Variants in STXBP5L observed in about 807,000 individuals in gnomAD.
The protein encoded by STXBP5L is syntaxin-binding protein 5-like.
Under a neutral mutation model 144.5 loss-of-function variants are expected in STXBP5L, and 65 were observed. That is an observed-to-expected ratio of 0.45 (90% CI 0.37 to 0.55). The LOEUF (loss-of-function observed/expected upper bound fraction) is 0.55. Among genes scored for constraint, STXBP5L ranks in the 20% least tolerant of loss-of-function variants. The pLI is 0.00. For missense variants in STXBP5L, 1,298 were observed against 1,405.5 expected, an observed-to-expected ratio of 0.92 and a Z score of 1.22; for synonymous variants, 505 against 469.6, an observed-to-expected ratio of 1.08 and a Z score of -0.97.
intron 2 of STXBP5L, among the ~76,000 whole-genome samples, chr3:120,938,188 A>T (rs1710367350): frequency 1.3e-5 from 2 of 152,098 alleles, no homozygotes; most frequent in African/African-American, 4.8e-5. Flanking sequence ...TTATATAAAA[A>T]TGGGATTGAT....
intron 22 of STXBP5L, among the ~76,000 whole-genome samples, chr3:121,390,531 G>A (rs1240161697): frequency 1.3e-5 from 2 of 152,138 alleles, no homozygotes; most frequent in Non-Finnish European, 2.9e-5. Flanking sequence ...GGTACCGGTT[G>A]TTTCTTTCCA....
At chr3:121,198,033 A>T (rs1409459722) in intron 9 of STXBP5L, among the ~76,000 whole-genome samples, 1 of 152,200 alleles carries the variant, frequency 6.6e-6, no homozygotes, top group Non-Finnish European at 1.5e-5. Flanking sequence ...GCTGGGTCAA[A>T]TGGTGTTTCC....
chr3:121,254,961 G>A lies in STXBP5L; in HGVS notation c.1508G>A (p.Gly503Glu), dbSNP rs201499652. The A allele has an allele frequency of 1.2e-6, 2 of 1,613,480 alleles. No homozygotes were observed. Among genetic ancestry groups the A allele is most frequent in the Non-Finnish European group, 1.7e-6 (2 of 1,179,666 alleles). ...TTTGAAAAACAGAAGGTAGGAGAAG[G>A]AAAACAAACATGTGAAATTGTAGAG... Reference protein sequence around the residue: ...KVFEKQKVGEGKQTCEIVEED... With the variant: ...KVFEKQKVGEEKQTCEIVEED... Residue 503 changes from glycine (G) to glutamate (E), a missense_variant, in exon 16 of 27, where the codon GGA (glycine) becomes GAA (glutamate). Gly to Glu is a moderately conservative substitution (Grantham distance 98, BLOSUM62 -2). Transcript: ENST00000471454.
chr3:120,911,817 A>T (rs548214470), intron 2 of STXBP5L, among the ~76,000 whole-genome samples: 1 of 152,166 alleles, frequency 6.6e-6, no homozygotes, highest in South Asian at 2.1e-4. Flanking sequence ...AGTTATATGG[A>T]TGTATTATAA....
intron 3 of STXBP5L, among the ~76,000 whole-genome samples, chr3:120,973,531 A>T (rs923435286): frequency 1.3e-5 from 2 of 151,496 alleles, no homozygotes; most frequent in Non-Finnish European, 2.9e-5. Flanking sequence ...CTAACTTTTC[A>T]TTTCTTTGAT....
intron 5 of STXBP5L, among the ~76,000 whole-genome samples, chr3:121,054,631 C>G (rs987403610): frequency 3.3e-4 from 49 of 150,656 alleles, no homozygotes; most frequent in African/African-American, 1.2e-3. Flanking sequence ...GGAGATATAC[C>G]TAATGGTAAA....
chr3:121,108,175 T>A (rs2043805616), intron 5 of STXBP5L, among the ~76,000 whole-genome samples: 1 of 152,242 alleles, frequency 6.6e-6, no homozygotes, highest in African/African-American at 2.4e-5. Flanking sequence ...CAGTTTGACT[T>A]CCTCTCTTCC....
chr3:121,418,894 A>T (rs935658440), intron 26 of STXBP5L, among the ~76,000 whole-genome samples, 162 bp from the exon 27 acceptor site: 4 of 152,156 alleles, frequency 2.6e-5, no homozygotes. Context: ...GTTTATTTTT[A>T]AAATCTTTCT....
At chr3:121,387,268 T>C (rs2046449515) in intron 22 of STXBP5L, among the ~76,000 whole-genome samples, 1 of 152,194 alleles carries the variant, frequency 6.6e-6, no homozygotes, top group Non-Finnish European at 1.5e-5. Flanking sequence ...TTTTTTAGTG[T>C]AAATTTGTTT....
At chr3:121,282,496 T>G (rs2051094211) in intron 19 of STXBP5L, among the ~76,000 whole-genome samples, 1 of 152,010 alleles carries the variant, frequency 6.6e-6, no homozygotes. Flanking sequence ...TTAATAAACA[T>G]TATTATAGAA....
At chr3:121,120,843 G>A (rs1437908622) in intron 6 of STXBP5L, among the ~76,000 whole-genome samples, 1 of 151,212 alleles carries the variant, frequency 6.6e-6, no homozygotes, top group Non-Finnish European at 1.5e-5. Context: ...GTTAGGTCGT[G>A]GAGAAAGGCT....
intron 9 of STXBP5L, among the ~76,000 whole-genome samples, chr3:121,179,534 A>C (rs1200361589): frequency 6.6e-6 from 1 of 152,176 alleles, no homozygotes; most frequent in Non-Finnish European, 1.5e-5. Context: ...AGGGTTCTCT[A>C]ATACCCCTAA....
At chr3:121,259,263 C>A (rs2108387343) in intron 18 of STXBP5L, 95 bp downstream of exon 18, 3 of 964,154 alleles carry the variant, frequency 3.1e-6, no homozygotes, top group East Asian at 3.3e-5. Context: ...TGAAAAGAAG[C>A]CCTTACCTGG....
chr3:121,090,654 G>C (rs2042733668), intron 5 of STXBP5L, among the ~76,000 whole-genome samples: 1 of 152,008 alleles, frequency 6.6e-6, no homozygotes, highest in Non-Finnish European at 1.5e-5. Flanking sequence ...AAAAATTTTT[G>C]TACCTAAGAG....
chr3:121,293,705 C>CA (rs1323257082), intron 19 of STXBP5L, among the ~76,000 whole-genome samples: 5 of 152,102 alleles, frequency 3.3e-5, no homozygotes, highest in Non-Finnish European at 7.4e-5. Context: ...ACTAAAAATA[C>CA]AAAAAATTAG....
chr3:121,324,639 T>C, intron 20 of STXBP5L: 1 of 637,828 alleles, frequency 1.6e-6, no homozygotes, highest in Non-Finnish European at 2.8e-6. Context: ...ATCTTCACAA[T>C]TTTCTAGGCT....
intron 22 of STXBP5L, among the ~76,000 whole-genome samples, chr3:121,391,260 A>G (rs1414572564): frequency 6.6e-6 from 1 of 151,884 alleles, no homozygotes; most frequent in Non-Finnish European, 1.5e-5. Context: ...TCTTCTCTAC[A>G]CTGTTTATTC....
At position 121,105,368 on chromosome 3, in the gene STXBP5L, C is replaced by T. The variant is rs2043645455; in HGVS notation, c.471-9557C>T. On this transcript the variant is annotated intron_variant, in intron 5 of 26. Transcript: ENST00000471454. ...CCGAGATCACGCCGCTGCACTCCAG[C>T]CTGGCAACAGAGTGAGACTCTGTCT... Among the ~76,000 whole-genome samples the T allele has an allele frequency of 2.0e-5, 3 of 148,992 alleles. No individual in the cohort carries two copies. In the South Asian group the frequency reaches 6.4e-4, roughly 32 times the overall value.
At chr3:121,008,178 A>C (rs934581006) in intron 3 of STXBP5L, among the ~76,000 whole-genome samples, 6 of 151,930 alleles carry the variant, frequency 3.9e-5, no homozygotes, top group Non-Finnish European at 8.8e-5. Flanking sequence ...AGTACTGGGC[A>C]TCGACGCCTC....
Sources: gnomAD v4.1 joint callset for allele counts (sites outside exome capture counted in the v4.1 genomes callset) on GRCh38, gnomAD v4.1.1 for gene constraint, MANE v1.5 for transcripts, NCBI Gene and HGNC (gene_info 2026-07-23, HGNC 2026-07-21) for gene names.